The following GAB2 variants were observed in gnomAD, a reference collection of about 807,000 sequenced individuals.
GAB2 encodes the protein GRB2 associated binding protein 2, also known as GRB2-associated-binding protein 2.
In GAB2, 26 loss-of-function variants were observed where a neutral mutation model predicts 65.5. The ratio of observed to expected loss-of-function variants is 0.40; its 90% CI spans 0.29 to 0.55. The LOEUF (loss-of-function observed/expected upper bound fraction) is 0.55, where lower values mean the gene tolerates loss of function less well. Among genes scored for constraint, GAB2 ranks in the 20% least tolerant of loss-of-function variants. The probability of loss-of-function intolerance (pLI) is 0.53; values close to 1 mark genes in which losing one functional copy is unlikely to be tolerated. For synonymous variants in GAB2, 321 were observed against 329.6 expected, an observed-to-expected ratio of 0.97 and a Z score of 0.28; for missense variants, 884 against 875.8, an observed-to-expected ratio of 1.01 and a Z score of -0.12.
At chr11:78,244,663 T>TTA (rs1554977121) in intron 3 of GAB2, among the ~76,000 whole-genome samples, 3 of 74,772 alleles carry the variant, frequency 4.0e-5, no homozygotes, top group Non-Finnish European at 7.0e-5. Context: ...ACATTCATAG[T>TTA]AAAAAAAAAA....
chr11:78,330,174 G>A (rs918542173), intron 1 of GAB2, among the ~76,000 whole-genome samples: 2 of 152,106 alleles, frequency 1.3e-5, no homozygotes, highest in African/African-American at 4.8e-5. Flanking sequence ...ATCACCAGTG[G>A]TGTCCTAGGA....
chr11:78,358,041 A>G (rs1276606918), intron 1 of GAB2, among the ~76,000 whole-genome samples: 1 of 152,164 alleles, frequency 6.6e-6, no homozygotes, highest in East Asian at 1.9e-4. Context: ...ACTTGGAACC[A>G]ACCCAAATGT....
intron 1 of GAB2, among the ~76,000 whole-genome samples, chr11:78,380,370 A>C (rs1856682534): frequency 6.6e-6 from 1 of 152,086 alleles, no homozygotes; most frequent in South Asian, 2.1e-4. Context: ...ATGCCCAGCT[A>C]ATTTTTGTAT....
intron 3 of GAB2, among the ~76,000 whole-genome samples, chr11:78,244,874 T>C (rs1231842273): frequency 2.0e-5 from 3 of 152,136 alleles, no homozygotes; most frequent in East Asian, 1.9e-4. Context: ...GAAAACAGTA[T>C]GAAAGTTCCT....
chr11:78,267,414 A>G (rs755211813), intron 2 of GAB2, among the ~76,000 whole-genome samples: 2 of 152,248 alleles, frequency 1.3e-5, no homozygotes, highest in African/African-American at 4.8e-5. Flanking sequence ...TGGACAGGTG[A>G]AAACACTGCC....
At chr11:78,289,950 G>C (rs1475979584) in intron 1 of GAB2, among the ~76,000 whole-genome samples, 1 of 151,310 alleles carries the variant, frequency 6.6e-6, no homozygotes, top group Non-Finnish European at 1.5e-5. Flanking sequence ...GGGAGGAAAG[G>C]AAGAGTTTGG....
At chr11:78,339,526 T>G (rs1413831787) in intron 1 of GAB2, among the ~76,000 whole-genome samples, 1 of 152,214 alleles carries the variant, frequency 6.6e-6, no homozygotes, top group African/African-American at 2.4e-5. Flanking sequence ...CATTCAGTAA[T>G]ATTTCAAAGC....
intron 1 of GAB2, among the ~76,000 whole-genome samples, chr11:78,350,569 T>C (rs1436264602): frequency 1.3e-5 from 2 of 152,338 alleles, no homozygotes; most frequent in South Asian, 2.1e-4. Context: ...ATTGTTACAC[T>C]ATAAATTATG....
chr11:78,244,403 A>G (rs915205643), intron 3 of GAB2, among the ~76,000 whole-genome samples: 6 of 152,018 alleles, frequency 3.9e-5, no homozygotes, highest in East Asian at 1.9e-4. Context: ...AAAGAAAGAA[A>G]AAAAAAAGAC....
chr11:78,315,287 C>T (rs987533768), intron 1 of GAB2, among the ~76,000 whole-genome samples: 4 of 152,192 alleles, frequency 2.6e-5, no homozygotes, highest in South Asian at 4.1e-4. Flanking sequence ...GGCTTTCCCC[C>T]CTTTTTAATG....
intron 1 of GAB2, among the ~76,000 whole-genome samples, chr11:78,290,978 G>A (rs1866649971): frequency 1.3e-5 from 2 of 152,098 alleles, no homozygotes; most frequent in African/African-American, 4.8e-5. Flanking sequence ...TATTTTCTCT[G>A]TCATAACTAC....
At chr11:78,287,543 G>T (rs1486516137) in intron 1 of GAB2, among the ~76,000 whole-genome samples, 1 of 152,108 alleles carries the variant, frequency 6.6e-6, no homozygotes, top group Non-Finnish European at 1.5e-5. Context: ...CTCCCAAAAT[G>T]CTGTGATTAC....
At chr11:78,370,725 A>ATGTGTATGTGTGTG (rs1856561213) in intron 1 of GAB2, among the ~76,000 whole-genome samples, 1 of 148,786 alleles carries the variant, frequency 6.7e-6, no homozygotes, top group Admixed American at 6.7e-5. Flanking sequence ...GTGTGTGTGT[A>ATGTGTATGTGTGTG]TGTGTGTGTG....
At chr11:78,265,154 T>C (rs1358996806) in intron 2 of GAB2, among the ~76,000 whole-genome samples, 2 of 151,234 alleles carry the variant, frequency 1.3e-5, no homozygotes, top group Non-Finnish European at 3.0e-5. Context: ...TGTGGGTTCA[T>C]ATTCATGCGA....
intron 1 of GAB2, among the ~76,000 whole-genome samples, chr11:78,397,209 A>G (rs936722194): frequency 1.3e-5 from 2 of 152,232 alleles, no homozygotes; most frequent in East Asian, 1.9e-4. Context: ...ACCCAAAACC[A>G]AATCACATTT....
chr11:78,230,142 G>C (rs962538657), intron 3 of GAB2, among the ~76,000 whole-genome samples: 2 of 152,226 alleles, frequency 1.3e-5, no homozygotes, highest in Non-Finnish European at 2.9e-5. Flanking sequence ...AACGTTTGTT[G>C]TAAGTAAGCA....
At position 78,407,247 on chromosome 11, in the gene GAB2, CA is replaced by C. The variant is rs371209598; in HGVS notation, c.75+10398del. On this transcript the variant is annotated intron_variant, in intron 1 of 9. Transcript: ENST00000361507. ...AAGATTCAGTAGGTTTAGTGAGTTC[CA>C]AACAGGATAAACTCAAGAAAATTCC... 4.0e-3 allele frequency among the ~76,000 whole-genome samples: 609 copies of C among 152,120 alleles called. 1 individual carries two copies. Among genetic ancestry groups the C allele is most frequent in the Middle Eastern group, 0.01 (3 of 294 alleles).
chr11:78,305,985 C>T (rs557210540), intron 1 of GAB2, among the ~76,000 whole-genome samples: 3 of 152,272 alleles, frequency 2.0e-5, no homozygotes, highest in Non-Finnish European at 2.9e-5. Context: ...ATTTTTTACA[C>T]TGTAGCAGTC....
intron 1 of GAB2, among the ~76,000 whole-genome samples, chr11:78,327,481 C>G (rs1367760688): frequency 6.6e-6 from 1 of 152,014 alleles, no homozygotes; most frequent in African/African-American, 2.4e-5. Context: ...AAGCATGGAA[C>G]AAAGGAAATA....
Sources: gnomAD v4.1 joint callset for allele counts (sites outside exome capture counted in the v4.1 genomes callset) on GRCh38, gnomAD v4.1.1 for gene constraint, MANE v1.5 for transcripts, NCBI Gene and HGNC (gene_info 2026-07-23, HGNC 2026-07-21) for gene names.